Variants in GRAP2 observed in about 807,000 individuals in gnomAD.
GRAP2 encodes the protein GRB2 related adaptor protein 2, also known as GRB2-related adapter protein 2.
A neutral mutation model predicts 43.5 loss-of-function variants in GRAP2; 31 were observed. The ratio of observed to expected loss-of-function variants is 0.71; its 90% CI spans 0.54 to 0.96. The LOEUF (loss-of-function observed/expected upper bound fraction) is 0.96. GRAP2 is among the 40% of genes least tolerant of loss of function. The probability of loss-of-function intolerance (pLI) is 0.00; values close to 1 mark genes in which losing one functional copy is unlikely to be tolerated. For missense variants in GRAP2, 371 were observed against 424.4 expected (o/e 0.87, Z 1.11); for synonymous variants, 156 against 164.8 (o/e 0.95, Z 0.41).
intron 1 of GRAP2, among the ~76,000 whole-genome samples, chr22:39,925,183 T>C (rs73165003): frequency 6.6e-6 from 1 of 152,306 alleles, no homozygotes; most frequent in Non-Finnish European, 1.5e-5. Flanking sequence ...AGCTGAACAG[T>C]GCTTTTGAGA....
intron 1 of GRAP2, among the ~76,000 whole-genome samples, chr22:39,934,761 C>T (rs535725708): frequency 6.6e-6 from 1 of 152,236 alleles, no homozygotes; most frequent in East Asian, 1.9e-4. Flanking sequence ...GCCCCAGCTA[C>T]TCGGGAAGCT....
chr22:39,906,354 CAG>C (rs2066523142), intron 1 of GRAP2, among the ~76,000 whole-genome samples: 1 of 152,146 alleles, frequency 6.6e-6, no homozygotes, highest in African/African-American at 2.4e-5. Flanking sequence ...CTCATACACT[CAG>C]ATATTCCATA....
chr22:39,919,800 G>A (rs1828982602), intron 1 of GRAP2, among the ~76,000 whole-genome samples: 1 of 152,210 alleles, frequency 6.6e-6, no homozygotes, highest in South Asian at 2.1e-4. Context: ...TAAATATGAA[G>A]TTGTGTAAAT....
intron 1 of GRAP2, among the ~76,000 whole-genome samples, chr22:39,942,471 A>G (rs1001132207): frequency 1.1e-4 from 16 of 152,188 alleles, no homozygotes; most frequent in African/African-American, 3.6e-4. Context: ...TTCATTTCGT[A>G]TACAAGATAC....
Position 39,947,093 on chromosome 22 carries a change from C to T in GRAP2, c.-14C>T, listed in dbSNP as rs1201645381. The T allele has an allele frequency of 1.9e-6, 3 of 1,563,318 alleles. No homozygotes were observed. In the South Asian group the frequency reaches 3.3e-5, roughly 17 times the overall value. ...AATGACCACATTATTTCTCTTCCAG[C>T]TTCACGTTACAGCATGGAAGCTGTT... On this transcript the variant is annotated splice_region_variant and 5_prime_UTR_variant, in exon 2 of 8. Coordinates refer to ENST00000344138, the MANE Select transcript of GRAP2 (RefSeq NM_004810.4).
chr22:39,894,445 A>G, the GRAP2 span, among the ~76,000 whole-genome samples: 1 of 150,302 alleles, frequency 6.7e-6, no homozygotes, highest in East Asian at 2.0e-4. Flanking sequence ...GAGGGATAGC[A>G]TTGGGAGATA....
intron 2 of GRAP2, among the ~76,000 whole-genome samples, chr22:39,951,170 T>G (rs2066978344): frequency 6.6e-6 from 1 of 152,168 alleles, no homozygotes; most frequent in Non-Finnish European, 1.5e-5. Context: ...AGGAAAACGC[T>G]GCCAAATGAC....
chr22:39,963,435 A>G (rs986508092), intron 4 of GRAP2, among the ~76,000 whole-genome samples: 1 of 152,220 alleles, frequency 6.6e-6, no homozygotes, highest in African/African-American at 2.4e-5. Context: ...ATGAAAAATT[A>G]TAATATCACA....
At chr22:39,907,416 A>T (rs2066530813) in intron 1 of GRAP2, among the ~76,000 whole-genome samples, 1 of 152,192 alleles carries the variant, frequency 6.6e-6, no homozygotes, top group Non-Finnish European at 1.5e-5. Flanking sequence ...GAATAGGAAA[A>T]ATTGTCTTTC....
intron 4 of GRAP2, among the ~76,000 whole-genome samples, chr22:39,965,345 C>T (rs1042751256): frequency 3.9e-5 from 6 of 152,168 alleles, no homozygotes; most frequent in Admixed American, 3.9e-4. Flanking sequence ...TGCACTCCAG[C>T]CTGGGCGACA....
chr22:39,943,028 C>T (rs1220168085), intron 1 of GRAP2, among the ~76,000 whole-genome samples: 1 of 152,180 alleles, frequency 6.6e-6, no homozygotes, highest in African/African-American at 2.4e-5. Flanking sequence ...CCTGAATCTT[C>T]ACATAGCTTT....
chr22:39,949,386 T>A (rs2066958160), intron 2 of GRAP2, among the ~76,000 whole-genome samples: 1 of 152,104 alleles, frequency 6.6e-6, no homozygotes, highest in South Asian at 2.1e-4. Flanking sequence ...TCATTTCCCC[T>A]CCATTTCATA....
chr22:39,923,855 T>C (rs1351788580), intron 1 of GRAP2, among the ~76,000 whole-genome samples: 1 of 152,240 alleles, frequency 6.6e-6, no homozygotes, highest in Non-Finnish European at 1.5e-5. Context: ...CGGTTACAAA[T>C]TCTGCACAGT....
chr22:39,962,383 C>T (rs182842960), intron 4 of GRAP2, among the ~76,000 whole-genome samples: 1 of 152,088 alleles, frequency 6.6e-6, no homozygotes, highest in African/African-American at 2.4e-5. Context: ...ATCGATCGCA[C>T]CACTGCACTC....
intron 1 of GRAP2, among the ~76,000 whole-genome samples, chr22:39,946,534 G>A (rs905478506): frequency 1.3e-5 from 2 of 152,098 alleles, no homozygotes; most frequent in Admixed American, 1.3e-4. Context: ...CTCCCAACTC[G>A]AAGACCAAGA....
At chr22:39,915,513 C>G (rs1235330036) in intron 1 of GRAP2, among the ~76,000 whole-genome samples, 1 of 152,214 alleles carries the variant, frequency 6.6e-6, no homozygotes, top group Non-Finnish European at 1.5e-5. Context: ...TCTGTCTATG[C>G]TGGTGCCCTC....
intron 1 of GRAP2, among the ~76,000 whole-genome samples, chr22:39,927,943 A>C (rs1015470284): frequency 6.6e-6 from 1 of 152,158 alleles, no homozygotes; most frequent in African/African-American, 2.4e-5. Flanking sequence ...ACAAGTGGAG[A>C]TGTAAGTAGG....
At chr22:39,958,606 T>A (rs563291287) in intron 3 of GRAP2, among the ~76,000 whole-genome samples, 69 of 152,346 alleles carry the variant, frequency 4.5e-4, no homozygotes, top group Admixed American at 1.0e-3. Context: ...TGACCACTCA[T>A]GTCTAATATG....
chr22:39,899,828 C>CA (rs551959783), upstream of GRAP2, among the ~76,000 whole-genome samples: 4 of 151,470 alleles, frequency 2.6e-5, no homozygotes, highest in East Asian at 1.9e-4. Flanking sequence ...ACTAAAAATA[C>CA]AAAAAAAATT....
Sources: gnomAD v4.1 joint callset for allele counts (sites outside exome capture counted in the v4.1 genomes callset) on GRCh38, gnomAD v4.1.1 for gene constraint, MANE v1.5 for transcripts, NCBI Gene and HGNC (gene_info 2026-07-23, HGNC 2026-07-21) for gene names.